MAP7D2: variants seen among roughly 807,000 people sequenced by gnomAD.
The protein encoded by MAP7D2 is MAP7 domain-containing protein 2.
MAP7D2 carries 33 observed loss-of-function variants against 63.5 expected under a neutral mutation model. That is an observed-to-expected ratio of 0.52 (90% confidence interval 0.39 to 0.70). The LOEUF is 0.70. MAP7D2 is among the 30% of genes least tolerant of loss of function. The pLI is 0.00. For missense variants in MAP7D2, 626 were observed against 604.0 expected (o/e 1.04, Z -0.38); for synonymous variants, 224 against 223.7 (o/e 1.00, Z -0.01).
intron 1 of MAP7D2, among the ~76,000 whole-genome samples, chrX:20,110,662 C>CA (rs1282020261): frequency 0.039 from 1,286 of 32,788 alleles, 55 homozygotes; most frequent in African/African-American, 0.11. Context: ...GACTCTGTCT[C>CA]AAAAAAAAAA....
At chrX:20,034,267 T>G (rs904341278) in intron 8 of MAP7D2, among the ~76,000 whole-genome samples, 1 of 98,901 alleles carries the variant, frequency 1.0e-5, no homozygotes, top group Non-Finnish European at 2.0e-5. Context: ...ATGATATAAC[T>G]GGCCAGGTGC....
chrX:20,046,002 T>C (rs991114878), intron 6 of MAP7D2, among the ~76,000 whole-genome samples: 1 of 112,036 alleles, frequency 8.9e-6, no homozygotes, highest in Non-Finnish European at 1.9e-5. Flanking sequence ...ACAACCTCCT[T>C]GCTTTTTGCC....
In MAP7D2 at chrX:20,116,799, G is replaced by A. The variant is rs745572687; in HGVS notation, c.81C>T (p.Ile27=). Reference sequence around the variant, plus strand: ...AGGTCCGCACCGCGCCCGGTTCTGCGATCTTCCCTGGGAGAGAGGTTCCCC... The same window carrying A: ...AGGTCCGCACCGCGCCCGGTTCTGCAATCTTCCCTGGGAGAGAGGTTCCCC... ...TARGTSLPGK[I]AEPGAVRTSQ... The change falls in exon 1 of 17, where the codon ATC becomes ATT. Residue 27 remains isoleucine (I), a synonymous_variant. Transcript: ENST00000379643. 13 of 1,191,745 alleles carry A rather than the reference G, an allele frequency of 1.1e-5. No homozygotes were observed. Among genetic ancestry groups the A allele is most frequent in the Middle Eastern group, 4.7e-4 (2 of 4,228 alleles).
intron 1 of MAP7D2, among the ~76,000 whole-genome samples, chrX:20,106,523 T>C (rs1039117708): frequency 1.8e-5 from 2 of 111,966 alleles, no homozygotes; most frequent in African/African-American, 3.2e-5. Context: ...ACTGAATACT[T>C]AGTCACCATG....
In MAP7D2 at chrX:20,044,383, G is replaced by A. The variant is rs1486631725; in HGVS notation, c.860C>T (p.Ser287Leu). ...GAGDVGKEAL[S>L]GGEASLVEKV... ...ACCTACCAGAGAGGCCTCTCCTCCT[G>A]AAAGGGCTTCTTTCCCAACATCTCC... The change falls in exon 7 of 17, where the codon TCA becomes TTA. Residue 287 changes from serine (S) to leucine (L), a missense_variant. By Grantham distance (145) the Ser-to-Leu change is moderately radical. Transcript: ENST00000379643. 1 of 1,209,594 alleles carries A rather than the reference G, an allele frequency of 8.3e-7. No individual in the cohort carries two copies. Among genetic ancestry groups the A allele is most frequent in the African/African-American group, 1.8e-5 (1 of 57,070 alleles).
In MAP7D2 at chrX:20,093,667, A is replaced by G. The variant is rs748981825; in HGVS notation, c.130+23083T>C. Among the ~76,000 whole-genome samples the G allele has an allele frequency of 3.3e-3, 364 of 111,378 alleles. 1 individual carries two copies. The highest frequency in any genetic ancestry group is 0.011 in the African/African-American group (343 of 30,650). On this transcript the variant is annotated intron_variant, in intron 1 of 16. Transcript: ENST00000379643. The stretch of plus-strand genomic sequence containing the variant: ...GTGAGACTCCATCTCAAAAAAAAAT[A>G]AAAATAAAAATAAAAAATAACCATT...
intron 1 of MAP7D2, chrX:20,116,531 C>A: frequency 1.1e-6 from 1 of 915,354 alleles, no homozygotes; most frequent in Non-Finnish European, 1.4e-6. Context: ...ACCCACTCAC[C>A]CAGGTCGCCC....
intron 10 of MAP7D2, among the ~76,000 whole-genome samples, chrX:20,022,966 A>G (rs771479387): frequency 4.5e-5 from 5 of 110,149 alleles, no homozygotes; most frequent in Non-Finnish European, 9.5e-5. Flanking sequence ...GTGGCTGGGG[A>G]AATGAATTTT....
chrX:20,098,187 C>G (rs1253059573), intron 1 of MAP7D2, among the ~76,000 whole-genome samples: 1 of 111,725 alleles, frequency 9.0e-6, no homozygotes, highest in Non-Finnish European at 1.9e-5. Context: ...TTCCATGCAA[C>G]ACTTCACAAT....
intron 1 of MAP7D2, among the ~76,000 whole-genome samples, chrX:20,089,901 C>T (rs1487951346): frequency 9.0e-6 from 1 of 110,993 alleles, no homozygotes; most frequent in Non-Finnish European, 1.9e-5. Context: ...AACTTACATA[C>T]TGTAAAGTTC....
At chrX:20,022,769 A>G (rs1450808567) in intron 10 of MAP7D2, among the ~76,000 whole-genome samples, 1 of 112,223 alleles carries the variant, frequency 8.9e-6, no homozygotes, top group African/African-American at 3.2e-5. Context: ...TGGATTTGAG[A>G]TGTATATGGG....
intron 3 of MAP7D2, among the ~76,000 whole-genome samples, chrX:20,061,604 GA>G (rs1465934291): frequency 8.9e-6 from 1 of 112,329 alleles, no homozygotes; most frequent in African/African-American, 3.2e-5. Flanking sequence ...GGGGTGCAAG[GA>G]AGCACACAAA....
chrX:20,033,045 C>T (rs905814539), intron 8 of MAP7D2, among the ~76,000 whole-genome samples: 4 of 111,650 alleles, frequency 3.6e-5, no homozygotes, highest in African/African-American at 1.3e-4. Context: ...CATCTTGAAC[C>T]TTCAGCTCAT....
chrX:20,111,561 C>G (rs754674413), intron 1 of MAP7D2, among the ~76,000 whole-genome samples: 9 of 111,495 alleles, frequency 8.1e-5, no homozygotes, highest in Non-Finnish European at 1.3e-4. Context: ...GCAGAAGTCT[C>G]GTGGTCTCTA....
chrX:20,090,901 G>A (rs1255785781), intron 1 of MAP7D2, among the ~76,000 whole-genome samples: 2 of 110,456 alleles, frequency 1.8e-5, no homozygotes, highest in Non-Finnish European at 3.8e-5. Context: ...CCTGGGAGGC[G>A]AAGATTACAA....
intron 6 of MAP7D2, among the ~76,000 whole-genome samples, chrX:20,046,169 T>C (rs374860966): frequency 1.3e-4 from 15 of 111,866 alleles, no homozygotes; most frequent in African/African-American, 4.9e-4. Flanking sequence ...CTTCTGGAGT[T>C]TTAAAAATCG....
chrX:20,102,377 G>C (rs1388840923), intron 1 of MAP7D2, among the ~76,000 whole-genome samples: 1 of 111,038 alleles, frequency 9.0e-6, no homozygotes, highest in East Asian at 2.8e-4. Context: ...GGCAGACACA[G>C]AGAGGAAAAG....
intron 1 of MAP7D2, among the ~76,000 whole-genome samples, chrX:20,085,410 G>A (rs1441272718): frequency 8.9e-6 from 1 of 112,188 alleles, no homozygotes; most frequent in African/African-American, 3.2e-5. Context: ...CTACAGGCAC[G>A]TTTTTACCAT....
intron 1 of MAP7D2, among the ~76,000 whole-genome samples, chrX:20,071,873 C>CT (rs2065512010): frequency 1.8e-5 from 2 of 111,416 alleles, no homozygotes; most frequent in African/African-American, 6.5e-5. Context: ...CCTGGTTGAT[C>CT]TTTAACTCCT....
Sources: allele counts gnomAD v4.1 joint callset (sites outside exome capture counted in the v4.1 genomes callset), GRCh38; gene constraint gnomAD v4.1.1; transcripts MANE v1.5; gene names NCBI Gene and HGNC (gene_info 2026-07-23, HGNC 2026-07-21).